Variants in BRWD1 observed in about 807,000 individuals in gnomAD.
BRWD1 encodes the protein bromodomain and WD repeat domain containing 1.
Under a neutral mutation model 251.2 loss-of-function variants are expected in BRWD1, and 82 were observed. The ratio of observed to expected loss-of-function variants is 0.33; its 90% CI spans 0.27 to 0.39. BRWD1 has a LOEUF of 0.39. Ranked by LOEUF, BRWD1 falls within the 10% of genes least tolerant of loss-of-function variation. BRWD1 has a pLI of 1.00. For missense variants in BRWD1, 2,233 were observed against 2,711.6 expected (o/e 0.82, Z 3.92); for synonymous variants, 918 against 902.8 (o/e 1.02, Z -0.30).
rs1169805143 is a variant in BRWD1, at chr21:39,199,681, A to G, written c.4754-19T>C. 46 of 1,545,326 alleles carry G rather than the reference A, an allele frequency of 3.0e-5. No individual in the cohort carries two copies. Among genetic ancestry groups the G allele is most frequent in the Non-Finnish European group, 3.9e-5 (45 of 1,146,544 alleles). ...ACGGGACCTAGAAATAAGGTTAACAATAAGATTAAAAAGATTTTCCTTATT... is the reference window on the plus strand; with the variant it reads ...ACGGGACCTAGAAATAAGGTTAACAGTAAGATTAAAAAGATTTTCCTTATT... On this transcript the variant is annotated intron_variant, in intron 39 of 40. Transcript: ENST00000342449.
In BRWD1 at chr21:39,192,880, A is replaced by ATTTAG. The variant is rs61549921; in HGVS notation, c.*3378_*3379insCTAAA. The ATTTAG allele has an allele frequency of 0.35, 347,943 of 981,632 alleles. 62,838 individuals carry two copies. Among genetic ancestry groups the ATTTAG allele is most frequent in the Middle Eastern group, 0.38 (729 of 1,910 alleles). The allele number at this position is 981,632 out of a possible 1,614,324, so 60.8% of individuals were successfully genotyped here. A position where few individuals can be genotyped will look rare whatever the true frequency, so the allele number is the denominator to read the frequency against. Reference sequence around the variant, plus strand: ...AACAGAAAATATTAAAATTCTTCCTATTTTTAATATCAAACAGGGAGGTTA... The same window carrying ATTTAG: ...AACAGAAAATATTAAAATTCTTCCTATTTAGTTTTTAATATCAAACAGGGAGGTTA... On this transcript the variant is annotated 3_prime_UTR_variant, in exon 41 of 41. Coordinates refer to ENST00000342449, the MANE Select transcript of BRWD1 (RefSeq NM_033656.4).
At chr21:39,284,799 A>T (rs1283423618) in intron 8 of BRWD1, among the ~76,000 whole-genome samples, 1 of 152,016 alleles carries the variant, frequency 6.6e-6, no homozygotes, top group African/African-American at 2.4e-5. Flanking sequence ...TGAGTTCCTT[A>T]TATGTTCTGG....
intron 25 of BRWD1, among the ~76,000 whole-genome samples, chr21:39,230,471 T>C (rs1039166176): frequency 1.3e-5 from 2 of 152,212 alleles, no homozygotes; most frequent in Non-Finnish European, 1.5e-5. Flanking sequence ...CTATAGAGAA[T>C]ATATAGGGAT....
chr21:39,276,340 C>A lies in BRWD1; in HGVS notation c.1105-127G>T, dbSNP rs1210848230. ...CAAAATTTGCACTTGTGTTGCTTAG[C>A]CCTGTCATTCAACATGTTTTATAAT... On this transcript the variant is annotated intron_variant, in intron 11 of 40. Transcript: ENST00000342449. 11 of 550,306 alleles carry A rather than the reference C, an allele frequency of 2.0e-5. No homozygotes were observed. The East Asian group carries it at 3.5e-4, about 17-fold the overall frequency. The allele number at this position is 550,306 out of a possible 1,614,324, so 34.1% of individuals were successfully genotyped here.
At chr21:39,209,925 T>C (rs1022452885) in intron 36 of BRWD1, 70 bp downstream of exon 36, 6 of 1,462,958 alleles carry the variant, frequency 4.1e-6, no homozygotes, top group South Asian at 2.6e-5. Flanking sequence ...CTGGAAAAAA[T>C]TACTATTACA....
At chr21:39,232,110 G>T in intron 25 of BRWD1, 67 bp downstream of exon 25, 1 of 1,216,584 alleles carries the variant, frequency 8.2e-7, no homozygotes, top group Non-Finnish European at 1.2e-6. Context: ...TTTTTAAATA[G>T]ATTTGTAAGT....
intron 8 of BRWD1, among the ~76,000 whole-genome samples, chr21:39,291,234 C>G (rs544034813): frequency 8.5e-5 from 13 of 152,160 alleles, no homozygotes; most frequent in Admixed American, 5.2e-4. Flanking sequence ...AAATTTCACA[C>G]CAAATCTATT....
In BRWD1 at chr21:39,190,525, G is replaced by C. The variant is rs2031497686; in HGVS notation, c.*5734C>G. 2 of 985,232 alleles carry C rather than the reference G, an allele frequency of 2.0e-6. No individual in the cohort carries two copies. The highest frequency in any genetic ancestry group is 2.4e-6 in the Non-Finnish European group (2 of 829,916). 61.0% of individuals were successfully genotyped at this position (985,232 alleles called of 1,614,324 possible). On this transcript the variant is annotated 3_prime_UTR_variant, in exon 41 of 41. Coordinates refer to ENST00000342449, the MANE Select transcript of BRWD1 (RefSeq NM_033656.4). ...CACAAAGTGGGTAAACCCTCTAGGT[G>C]CAAGTTATAAGCTCCCTCAAGCAAG...
chr21:39,188,173 A>G lies in BRWD1; in HGVS notation c.*8086T>C. ...ACAAGTCTAATTAGTACTCTTCTAG[A>G]ACAGAAGTGATATTCCTTTTACGTA... On this transcript the variant is annotated 3_prime_UTR_variant, in exon 41 of 41. Coordinates refer to ENST00000342449, the MANE Select transcript of BRWD1 (RefSeq NM_033656.4). The G allele has an allele frequency of 1.0e-6, 1 of 985,426 alleles. No homozygotes were observed. Among genetic ancestry groups the G allele is most frequent in the Non-Finnish European group, 1.2e-6 (1 of 829,912 alleles). 61.0% of individuals were successfully genotyped at this position (985,426 alleles called of 1,614,324 possible).
rs2031354687 is a variant in BRWD1, at chr21:39,188,224, T to G, written c.*8035A>C. ...TCTGAAGTTCACGGGCCCTTGAATT[T>G]TAGGTCTTTCTTGCAGCCATGAACA... On this transcript the variant is annotated 3_prime_UTR_variant, in exon 41 of 41. Coordinates refer to ENST00000342449, the MANE Select transcript of BRWD1 (RefSeq NM_033656.4). 2 of 985,296 alleles carry G rather than the reference T, an allele frequency of 2.0e-6. No individual in the cohort carries two copies. Among genetic ancestry groups the G allele is most frequent in the Non-Finnish European group, 2.4e-6 (2 of 829,920 alleles). The allele number at this position is 985,296 out of a possible 1,614,324, so 61.0% of individuals were successfully genotyped here. A position where few individuals can be genotyped will look rare whatever the true frequency, so the allele number is the denominator to read the frequency against.
At chr21:39,313,330 C>G (rs563378726) in intron 1 of BRWD1, 31 bp from the exon 2 acceptor site, 3 of 1,521,264 alleles carry the variant, frequency 2.0e-6, no homozygotes, top group Admixed American at 1.9e-5. Context: ...AGGTCAAGCC[C>G]CGGCGGGGAG....
intron 7 of BRWD1, 37 bp from the exon 8 acceptor site, chr21:39,294,069 A>C (rs1286922721): frequency 6.5e-7 from 1 of 1,538,666 alleles, no homozygotes; most frequent in South Asian, 1.1e-5. Flanking sequence ...ATGTTAGTAC[A>C]GCAAATCTTT....
chr21:39,258,057 T>C (rs1040943496), intron 18 of BRWD1, among the ~76,000 whole-genome samples: 6 of 152,302 alleles, frequency 3.9e-5, no homozygotes, highest in East Asian at 1.9e-4. Context: ...TGTTATGTAT[T>C]TACTTCTACA....
intron 4 of BRWD1, among the ~76,000 whole-genome samples, chr21:39,300,075 A>G (rs982713139): frequency 6.6e-6 from 1 of 152,122 alleles, no homozygotes; most frequent in Non-Finnish European, 1.5e-5. Flanking sequence ...GAATAAGAAA[A>G]AACCACTCAA....
rs2031290829 is a variant in BRWD1 at position 39,187,286 on chromosome 21, C to T, written c.*8973G>A. 1 of 1,613,892 alleles carries T rather than the reference C, an allele frequency of 6.2e-7. No individual in the cohort carries two copies. Among genetic ancestry groups the T allele is most frequent in the African/African-American group, 1.3e-5 (1 of 74,912 alleles). On this transcript the variant is annotated 3_prime_UTR_variant, in exon 41 of 41. Coordinates refer to ENST00000342449, the MANE Select transcript of BRWD1 (RefSeq NM_033656.4). ...TTTATTTTATTTGCAGCAACAGTAG[C>T]ACATCTGCGGGGAACTTTCTCAGGT...
At chr21:39,221,292 C>T (rs544312180) in intron 29 of BRWD1, among the ~76,000 whole-genome samples, 37 of 151,850 alleles carry the variant, frequency 2.4e-4, no homozygotes, top group South Asian at 8.3e-4. Flanking sequence ...GCCCCCCAAA[C>T]GGTAGGCATT....
intron 4 of BRWD1, among the ~76,000 whole-genome samples, chr21:39,306,072 CTTTT>C (rs1294724280): frequency 4.4e-5 from 6 of 136,398 alleles, no homozygotes; most frequent in Non-Finnish European, 8.0e-5. Context: ...CTTTAAGTAT[CTTTT>C]TTTTTTTTTT....
rs576856945 is a variant in BRWD1 at position 39,241,050 on chromosome 21, G to A, written c.2482-2477C>T. ...CAAGTAGCTGGGATTACAGGCACCC[G>A]CCACCACGCCCAGCTAATTTTTTTT... On this transcript the variant is annotated intron_variant, in intron 21 of 40. Transcript: ENST00000342449. Among the ~76,000 whole-genome samples, 113 of 150,326 alleles carry A rather than the reference G, an allele frequency of 7.5e-4. 2 individuals are homozygous for A. The highest frequency in any genetic ancestry group is 7.0e-3 in the Middle Eastern group (2 of 286).
chr21:39,200,342 C>T lies in BRWD1; in HGVS notation c.4630G>A (p.Ala1544Thr). The change falls in exon 39 of 41, where the codon GCT becomes ACT. Residue 1544 changes from alanine to threonine, a missense_variant. This residue lies in a region of BRWD1 where 928 missense variants were observed against 970.0 expected (regional missense o/e 0.96). Transcript: ENST00000342449. ...TTGCTTTCCTCAGAACTACTGGAAG[C>T]TGACGATGACAAAGAGGTAGCTAAA... ...DSLATSLSSS[A>T]SSSSEESKES... is the part of the protein sequence containing the mutation. 6.2e-7 allele frequency: 1 copy of T among 1,613,632 alleles called. No homozygotes were observed. Among genetic ancestry groups the T allele is most frequent in the East Asian group, 2.2e-5 (1 of 44,874 alleles).
Sources: gnomAD v4.1 joint callset for allele counts (sites outside exome capture counted in the v4.1 genomes callset) on GRCh38, gnomAD v4.1.1 for gene constraint, gnomAD v4.1.1 regional missense constraint, MANE v1.5 for transcripts, NCBI Gene and HGNC (gene_info 2026-07-23, HGNC 2026-07-21) for gene names.